Variants in NRF1 observed in about 807,000 individuals in gnomAD.
NRF1 encodes nuclear respiratory factor 1.
Under a neutral mutation model 58.5 loss-of-function variants are expected in NRF1, and 5 were observed. The observed-to-expected ratio is 0.09, with a 90% CI of 0.04 to 0.18. The LOEUF is 0.18. Ranked by LOEUF, NRF1 falls within the 10% of genes least tolerant of loss-of-function variation. The pLI, the probability that NRF1 is intolerant of heterozygous loss-of-function variation, is 1.00. For missense variants in NRF1, 288 were observed against 657.7 expected (o/e 0.44, Z 6.15); for synonymous variants, 224 against 246.7 (o/e 0.91, Z 0.86).
intron 10 of NRF1, among the ~76,000 whole-genome samples, chr7:129,753,543 A>G (rs921910664): frequency 4.6e-5 from 7 of 152,130 alleles, no homozygotes; most frequent in Non-Finnish European, 1.0e-4. Context: ...CTGTAATTCT[A>G]GTTTCAGAAG....
chr7:129,653,287 CTG>C (rs1259632351), intron 1 of NRF1, among the ~76,000 whole-genome samples: 2 of 152,094 alleles, frequency 1.3e-5, no homozygotes, highest in Admixed American at 6.5e-5. Flanking sequence ...TTAAATAAAA[CTG>C]TATTTTTTAT....
At chr7:129,625,662 G>A (rs940058005) in intron 1 of NRF1, among the ~76,000 whole-genome samples, 5 of 146,922 alleles carry the variant, frequency 3.4e-5, no homozygotes, top group South Asian at 2.2e-4. Flanking sequence ...CACCATGCCC[G>A]GCTAATGTTT....
At chr7:129,629,536 A>G (rs886536487) in intron 1 of NRF1, among the ~76,000 whole-genome samples, 3 of 151,424 alleles carry the variant, frequency 2.0e-5, no homozygotes, top group Non-Finnish European at 4.4e-5. Context: ...CAGCCTCCCA[A>G]AGTGCTGGGA....
rs1329542445 is a variant in NRF1, at chr7:129,756,977, G to A, written c.*1796G>A. The A allele has an allele frequency of 1.3e-5, 2 of 152,480 alleles. No homozygotes were observed. The highest frequency in any genetic ancestry group is 1.5e-5 in the Non-Finnish European group (1 of 68,014). The allele number at this position is 152,480 out of a possible 1,614,324, so 9.4% of individuals were successfully genotyped here. On this transcript the variant is annotated 3_prime_UTR_variant, in exon 11 of 11. Coordinates refer to ENST00000393232, the MANE Select transcript of NRF1 (RefSeq NM_005011.5). ...AAATAGTTTGAGAAGTTGCCAAGAC[G>A]AAGAAAAAAGCAAAACCCCAGTAGC...
intron 1 of NRF1, 143 bp downstream of exon 1, chr7:129,611,967 C>T (rs1339890478): frequency 6.7e-6 from 1 of 148,566 alleles, no homozygotes; most frequent in African/African-American, 2.4e-5. Context: ...CCGGATTCGG[C>T]CCGCCTCGGG....
rs768341835 is a variant in NRF1 at position 129,701,520 on chromosome 7, G to A, written c.607-7555G>A. ...TGAGGCAGGAGAATCACTTGAACCC[G>A]GGAGGTGGAGGTTGCAGTGAGCCGA... is the stretch of plus-strand genomic sequence containing the variant. On this transcript the variant is annotated intron_variant, in intron 5 of 10. Coordinates refer to ENST00000393232, the MANE Select transcript of NRF1 (RefSeq NM_005011.5). Among the ~76,000 whole-genome samples the A allele has an allele frequency of 9.2e-5, 14 of 151,402 alleles. No individual in the cohort carries two copies. In the East Asian group the frequency reaches 1.9e-3, roughly 21 times the overall value.
chr7:129,616,165 T>A (rs1800655722), intron 1 of NRF1, among the ~76,000 whole-genome samples: 1 of 152,220 alleles, frequency 6.6e-6, no homozygotes, highest in Non-Finnish European at 1.5e-5. Context: ...CCAAAAGGCT[T>A]CATCATGTTG....
chr7:129,650,598 G>T (rs969772466), intron 1 of NRF1, among the ~76,000 whole-genome samples: 7 of 152,198 alleles, frequency 4.6e-5, no homozygotes, highest in Non-Finnish European at 8.8e-5. Context: ...GGGTAGAATC[G>T]GGAAGACATA....
intron 1 of NRF1, among the ~76,000 whole-genome samples, chr7:129,632,623 A>G (rs1461190353): frequency 1.3e-5 from 2 of 151,960 alleles, no homozygotes. Flanking sequence ...TTCTGTATAT[A>G]TATATGTATC....
intron 5 of NRF1, among the ~76,000 whole-genome samples, chr7:129,699,688 G>A (rs541387943): frequency 2.0e-5 from 3 of 151,286 alleles, no homozygotes; most frequent in Admixed American, 6.6e-5. Flanking sequence ...CCGAGATCGC[G>A]CCACTGCACT....
intron 10 of NRF1, among the ~76,000 whole-genome samples, chr7:129,735,838 C>T (rs1045280717): frequency 6.6e-6 from 1 of 151,968 alleles, no homozygotes; most frequent in Non-Finnish European, 1.5e-5. Flanking sequence ...GAAACCCCGT[C>T]TCTACTAAAA....
At chr7:129,722,499 G>A (rs1584672764) in intron 9 of NRF1, among the ~76,000 whole-genome samples, 1 of 152,100 alleles carries the variant, frequency 6.6e-6, no homozygotes, top group East Asian at 1.9e-4. Flanking sequence ...GCTTACCATA[G>A]GCATCATCGT....
intron 5 of NRF1, among the ~76,000 whole-genome samples, chr7:129,701,591 CAA>C (rs59228978): frequency 3.2e-5 from 3 of 93,150 alleles, no homozygotes; most frequent in African/African-American, 4.1e-5. Flanking sequence ...GAGGCTGTCT[CAA>C]AAAAAAAAAA....
At chr7:129,665,126 G>A (rs997955727) in intron 2 of NRF1, among the ~76,000 whole-genome samples, 1 of 152,234 alleles carries the variant, frequency 6.6e-6, no homozygotes, top group African/African-American at 2.4e-5. Context: ...TCAGCAAAGG[G>A]AAGTGCATTT....
chr7:129,650,168 T>C (rs1801503239), intron 1 of NRF1, among the ~76,000 whole-genome samples: 1 of 151,394 alleles, frequency 6.6e-6, no homozygotes, highest in Admixed American at 6.6e-5. Flanking sequence ...TTTTTTTCTT[T>C]TTCCTTTTTT....
intron 1 of NRF1, among the ~76,000 whole-genome samples, chr7:129,628,665 G>A (rs915021835): frequency 6.6e-6 from 1 of 152,174 alleles, no homozygotes; most frequent in East Asian, 1.9e-4. Context: ...ATAAAAAGAA[G>A]ATCTGGTCTC....
At chr7:129,711,431 G>A in intron 7 of NRF1, 44 bp from the exon 8 acceptor site, 2 of 1,443,100 alleles carry the variant, frequency 1.4e-6, no homozygotes, top group Non-Finnish European at 9.6e-7. Context: ...GAGGTGGAAG[G>A]ATCCATCCAC....
intron 1 of NRF1, among the ~76,000 whole-genome samples, chr7:129,634,039 A>ATATATAT (rs1370530259): frequency 1.1e-5 from 1 of 89,446 alleles, no homozygotes; most frequent in African/African-American, 5.1e-5. Flanking sequence ...TAAAAAAAAA[A>ATATATAT]AAAGATATAT....
intron 4 of NRF1, among the ~76,000 whole-genome samples, chr7:129,689,266 C>T (rs1802510527): frequency 6.6e-6 from 1 of 152,008 alleles, no homozygotes; most frequent in African/African-American, 2.4e-5. Flanking sequence ...GGGAATTTTT[C>T]TTTTTTAATC....
Sources: gnomAD v4.1 joint callset for allele counts (sites outside exome capture counted in the v4.1 genomes callset) on GRCh38, gnomAD v4.1.1 for gene constraint, MANE v1.5 for transcripts, NCBI Gene and HGNC (gene_info 2026-07-23, HGNC 2026-07-21) for gene names.